MAGEC1: variants seen among roughly 807,000 people sequenced by gnomAD.
MAGEC1 encodes the protein MAGE family member C1.
A neutral mutation model predicts 1.5 loss-of-function variants in MAGEC1; 3 were observed. That is an observed-to-expected ratio of 1.97 (90% CI 0.90 to 5.10). MAGEC1 has a LOEUF of 5.10. Among genes scored for constraint, MAGEC1 ranks in the 30% most tolerant of loss-of-function variants. The probability of loss-of-function intolerance (pLI) is 0.02; values close to 1 mark genes in which losing one functional copy is unlikely to be tolerated. For missense variants in MAGEC1, 985 were observed against 803.1 expected, an observed-to-expected ratio of 1.23 and a Z score of -2.74; for synonymous variants, 357 against 310.4, an observed-to-expected ratio of 1.15 and a Z score of -1.58.
In MAGEC1 at chrX:141,908,380, G is replaced by C. The variant is rs1315951542; in HGVS notation, c.2976G>C (p.Gln992His). Residue 992 changes from glutamine to histidine, a missense_variant, in exon 4 of 4, where the codon CAG (glutamine) becomes CAC (histidine). Gln to His is a conservative substitution (Grantham distance 24). Coordinates refer to ENST00000285879, the MANE Select transcript of MAGEC1 (RefSeq NM_005462.5). Reference sequence around the variant, plus strand: ...CTGAGGGGTGTCTGAGTGATGAGCAGGGCATGTCCCAGAACCGCCTCCTGA... The same window carrying C: ...CTGAGGGGTGTCTGAGTGATGAGCACGGCATGTCCCAGAACCGCCTCCTGA... ...LTSEGCLSDEQGMSQNRLLIL... is the reference protein window; with the variant it reads ...LTSEGCLSDEHGMSQNRLLIL... 1 of 1,211,425 alleles carries C rather than the reference G, an allele frequency of 8.3e-7. No homozygotes were observed. Among genetic ancestry groups the C allele is most frequent in the African/African-American group, 1.7e-5 (1 of 57,744 alleles).
At position 141,908,019 on chromosome X, in the gene MAGEC1, G is replaced by A. The variant is rs1412467404; in HGVS notation, c.2615G>A (p.Ser872Asn). ...TSLSPFSEES[S>N]SPVDEYTSSS... ...TTGAGCCCATTCAGTGAAGAGTCCAGCAGCCCAGTAGATGAATATACAAGT... is the reference window on the plus strand; with the variant it reads ...TTGAGCCCATTCAGTGAAGAGTCCAACAGCCCAGTAGATGAATATACAAGT... Residue 872 changes from serine to asparagine, a missense_variant, in exon 4 of 4, where the codon AGC (serine) becomes AAC (asparagine). Coordinates refer to ENST00000285879, the MANE Select transcript of MAGEC1 (RefSeq NM_005462.5). 1 of 1,211,829 alleles carries A rather than the reference G, an allele frequency of 8.3e-7. No individual in the cohort carries two copies. Among genetic ancestry groups the A allele is most frequent in the Non-Finnish European group, 1.1e-6 (1 of 895,433 alleles).
In MAGEC1 at chrX:141,908,486, G is replaced by T. The variant is rs1927028185; in HGVS notation, c.3082G>T (p.Val1028Leu). The T allele has an allele frequency of 8.3e-7, 1 of 1,199,562 alleles. No individual in the cohort carries two copies. Among genetic ancestry groups the T allele is most frequent in the Non-Finnish European group, 1.1e-6 (1 of 889,553 alleles). The stretch of plus-strand genomic sequence containing the variant: ...CTGGGATGTGCTGAGTGGAATAGGG[G>T]TGCGTGCTGGGAGGGAGCACTTTGC... ...VIWDVLSGIG[V>L]RAGREHFAFG... Residue 1028 changes from valine (V) to leucine (L), a missense_variant, in exon 4 of 4, where the codon GTG becomes TTG. Physicochemically the swap from Val to Leu is conservative, Grantham distance 32. Coordinates refer to ENST00000285879, the MANE Select transcript of MAGEC1 (RefSeq NM_005462.5).
chrX:141,905,329 T>A, intron 3 of MAGEC1, 80 bp from the exon 4 acceptor site: 10 of 980,574 alleles, frequency 1.0e-5, no homozygotes, highest in Non-Finnish European at 1.4e-5. Context: ...TCTCTTCCTC[T>A]TTCCACTTTT....
At position 141,909,204 on chromosome X, in the gene MAGEC1, CT is replaced by C. The variant is rs1927052936; in HGVS notation, c.*373del. On this transcript the variant is annotated 3_prime_UTR_variant, in exon 4 of 4. Transcript: ENST00000285879. ...AATGTGGTGTTACTGTAGGAATTTT[CT>C]TGAAACTGTGAAGGAACTCTGCAGT... 1 of 136,037 alleles carries C rather than the reference CT, an allele frequency of 7.4e-6. No homozygotes were observed. Among genetic ancestry groups the C allele is most frequent in the Non-Finnish European group, 1.4e-5 (1 of 69,403 alleles). 11.2% of individuals were successfully genotyped at this position (136,037 alleles called of 1,213,427 possible).
chrX:141,908,501 G>T lies in MAGEC1; in HGVS notation c.3097G>T (p.Glu1033Ter). The change falls in exon 4 of 4, where the codon GAG becomes TAG. Residue 1033 changes from glutamate to a stop codon, truncating the protein, a stop_gained. Coordinates refer to ENST00000285879, the MANE Select transcript of MAGEC1 (RefSeq NM_005462.5). LOFTEE classifies it low-confidence loss of function (END_TRUNC). ...LSGIGVRAGR[E>*]HFAFGEPREL... Reference sequence around the variant, plus strand: ...TGGAATAGGGGTGCGTGCTGGGAGGGAGCACTTTGCCTTTGGGGAGCCCAG... The same window carrying T: ...TGGAATAGGGGTGCGTGCTGGGAGGTAGCACTTTGCCTTTGGGGAGCCCAG... 1 of 1,195,329 alleles carries T rather than the reference G, an allele frequency of 8.4e-7. No homozygotes were observed. Among genetic ancestry groups the T allele is most frequent in the Non-Finnish European group, 1.1e-6 (1 of 887,307 alleles).
At position 141,907,384 on chromosome X, in the gene MAGEC1, C is replaced by T; in HGVS notation, c.1980C>T (p.Leu660=). Residue 660 remains leucine (L), a synonymous_variant, in exon 4 of 4, where the codon CTC becomes CTT. Coordinates refer to ENST00000285879, the MANE Select transcript of MAGEC1 (RefSeq NM_005462.5). ...SPPEGPVQSP[L]HSPQSPPEGM... is the part of the protein sequence containing the mutation. ...CTGAGGGGCCTGTCCAGTCTCCTCT[C>T]CATAGTCCTCAGAGCCCTCCTGAGG... is the stretch of plus-strand genomic sequence containing the variant. 1 of 1,206,158 alleles carries T rather than the reference C, an allele frequency of 8.3e-7. No homozygotes were observed. Among genetic ancestry groups the T allele is most frequent in the Non-Finnish European group, 1.1e-6 (1 of 893,474 alleles).
chrX:141,904,496 C>CT (rs2018164624), intron 1 of MAGEC1, among the ~76,000 whole-genome samples: 1 of 110,820 alleles, frequency 9.0e-6, no homozygotes, highest in Non-Finnish European at 1.9e-5. Context: ...TGGGAGGTGG[C>CT]TGCCACCTCA....
rs1927032823 is a variant in MAGEC1, at chrX:141,908,588, T to C, written c.3184T>C (p.Ser1062Pro). Residue 1062 changes from serine (S) to proline (P), a missense_variant, in exon 4 of 4, where the codon TCT becomes CCT. Physicochemically the swap from Ser to Pro is moderately conservative, Grantham distance 74 (BLOSUM62 -1). Coordinates refer to ENST00000285879, the MANE Select transcript of MAGEC1 (RefSeq NM_005462.5). ...HYLEYREVPN[S>P]SPPRYEFLWG... ...CCTAGAGTACCGGGAGGTGCCCAAC[T>C]CTTCTCCTCCTCGTTACGAATTCCT... is the stretch of plus-strand genomic sequence containing the variant. The C allele has an allele frequency of 1.7e-6, 2 of 1,205,228 alleles. No individual in the cohort carries two copies. The highest frequency in any genetic ancestry group is 2.2e-5 in the Admixed American group (1 of 45,470).
rs771890346 is a variant in MAGEC1, at chrX:141,907,592, C to T, written c.2188C>T (p.Pro730Ser). Reference protein sequence around the residue: ...SLSPLHFPQFPPQGEDFQSSL... With the variant: ...SLSPLHFPQFSPQGEDFQSSL... ...CTCTCCTCTCCACTTTCCTCAGTTT[C>T]CTCCTCAGGGGGAGGACTTCCAGTC... The change falls in exon 4 of 4, where the codon CCT becomes TCT. Residue 730 changes from proline (P) to serine (S), a missense_variant. By Grantham distance (74) the Pro-to-Ser change is moderately conservative (BLOSUM62 -1). Transcript: ENST00000285879. 9.1e-6 allele frequency: 11 copies of T among 1,207,768 alleles called. No individual in the cohort carries two copies. In the South Asian group the frequency reaches 1.6e-4, roughly 17 times the overall value.
Position 141,905,070 on chromosome X carries a change from A to C in MAGEC1, c.-3A>C. The C allele has an allele frequency of 1.7e-6, 2 of 1,212,088 alleles. No individual in the cohort carries two copies. Among genetic ancestry groups the C allele is most frequent in the Non-Finnish European group, 2.2e-6 (2 of 895,535 alleles). ...CTGTAAGCCGGCCTTTGTCAGAGCC[A>C]TCATGGGTGAGTTTCTCAGCTGAGG... On this transcript the variant is annotated 5_prime_UTR_variant, in exon 3 of 4. Coordinates refer to ENST00000285879, the MANE Select transcript of MAGEC1 (RefSeq NM_005462.5).
At position 141,908,243 on chromosome X, in the gene MAGEC1, C is replaced by A. The variant is rs763285093; in HGVS notation, c.2839C>A (p.Pro947Thr). The A allele has an allele frequency of 1.7e-6, 2 of 1,209,566 alleles. No individual in the cohort carries two copies. The highest frequency in any genetic ancestry group is 3.5e-5 in the African/African-American group (2 of 57,012). ...CATCAGCAGGTACACGGGCTACTTT[C>A]CTGTGATCTTCAGGAAAGCCCGTGA... ...NVISRYTGYFPVIFRKAREFI... is the reference protein window; with the variant it reads ...NVISRYTGYFTVIFRKAREFI... Residue 947 changes from proline to threonine, a missense_variant, in exon 4 of 4, where the codon CCT (proline) becomes ACT (threonine). Pro to Thr is a conservative substitution (Grantham distance 38). Coordinates refer to ENST00000285879, the MANE Select transcript of MAGEC1 (RefSeq NM_005462.5).
rs761263410 is a variant in MAGEC1 at position 141,906,502 on chromosome X, G to T, written c.1098G>T (p.Glu366Asp). 8 of 1,195,364 alleles carry T rather than the reference G, an allele frequency of 6.7e-6. No individual in the cohort carries two copies. The highest frequency in any genetic ancestry group is 9.0e-6 in the Non-Finnish European group (8 of 887,299). ...CTGAGAGTGCTCAAAGTACTTTTGA[G>T]GGTTTTCCCCAGTCTCCTCTCCAGA... ...SSPESAQSTF[E>D]GFPQSPLQIP... The change falls in exon 4 of 4, where the codon GAG becomes GAT. Residue 366 changes from glutamate to aspartate, a missense_variant. Transcript: ENST00000285879.
chrX:141,907,121 G>A lies in MAGEC1; in HGVS notation c.1717G>A (p.Asp573Asn). Residue 573 changes from aspartate (D) to asparagine (N), a missense_variant, in exon 4 of 4, where the codon GAC becomes AAC. Asp to Asn is a conservative substitution (Grantham distance 23). Coordinates refer to ENST00000285879, the MANE Select transcript of MAGEC1 (RefSeq NM_005462.5). Reference protein sequence around the residue: ...YFPQSPPQGEDSLSPHYFPQS... With the variant: ...YFPQSPPQGENSLSPHYFPQS... ...TCCTCAGAGCCCTCCTCAGGGGGAG[G>A]ACTCCCTGTCTCCTCACTACTTTCC... is the stretch of plus-strand genomic sequence containing the variant. 7 of 1,200,350 alleles carry A rather than the reference G, an allele frequency of 5.8e-6. No individual in the cohort carries two copies. The highest frequency in any genetic ancestry group is 3.0e-5 in the East Asian group (1 of 33,533).
rs369233356 is a variant in MAGEC1 at position 141,907,703 on chromosome X, C to T, written c.2299C>T (p.Pro767Ser). The stretch of plus-strand genomic sequence containing the variant: ...TTTCCCTGAGAGTCCTCAGAGTCCT[C>T]CTGAGGGGCCTGCTCAGTCTCCTCT... ...QSFPESPQSP[P>S]EGPAQSPLQR... Residue 767 changes from proline (P) to serine (S), a missense_variant, in exon 4 of 4, where the codon CCT (proline) becomes TCT (serine). Coordinates refer to ENST00000285879, the MANE Select transcript of MAGEC1 (RefSeq NM_005462.5). 6 of 1,207,740 alleles carry T rather than the reference C, an allele frequency of 5.0e-6. No homozygotes were observed. The highest frequency in any genetic ancestry group is 5.6e-6 in the Non-Finnish European group (5 of 894,176).
chrX:141,907,772 C>T lies in MAGEC1; in HGVS notation c.2368C>T (p.Leu790Phe). 8.3e-7 allele frequency: 1 copy of T among 1,209,674 alleles called. No homozygotes were observed. The highest frequency in any genetic ancestry group is 1.1e-6 in the Non-Finnish European group (1 of 894,798). The change falls in exon 4 of 4, where the codon CTT becomes TTT. Residue 790 changes from leucine (L) to phenylalanine (F), a missense_variant. Transcript: ENST00000285879. ...SSFFSYTLAS[L>F]LQSSHESPQS... ...CTTCTTCTCCTACACTTTAGCGAGT[C>T]TTCTCCAAAGTTCCCATGAGAGTCC...
rs201520870 is a variant in MAGEC1 at position 141,906,642 on chromosome X, C to T, written c.1238C>T (p.Thr413Ile). 1.7e-6 allele frequency: 2 copies of T among 1,172,684 alleles called. No homozygotes were observed. The highest frequency in any genetic ancestry group is 2.3e-6 in the Non-Finnish European group (2 of 877,002). Residue 413 changes from threonine (T) to isoleucine (I), a missense_variant, in exon 4 of 4, where the codon ACC becomes ATC. Transcript: ENST00000285879. ...CAGTCTCCTCTCCAGATTCCTATGACCTCCTCCTTCTCCTCTACTTTATTG... is the reference window on the plus strand; with the variant it reads ...CAGTCTCCTCTCCAGATTCCTATGATCTCCTCCTTCTCCTCTACTTTATTG... ...FPQSPLQIPM[T>I]SSFSSTLLSI...
At position 141,907,181 on chromosome X, in the gene MAGEC1, C is replaced by T. The variant is rs780207664; in HGVS notation, c.1777C>T (p.His593Tyr). Residue 593 changes from histidine to tyrosine, a missense_variant, in exon 4 of 4, where the codon CAC becomes TAC. His to Tyr is a moderately conservative substitution (Grantham distance 83, BLOSUM62 2). Transcript: ENST00000285879. ...TCAGGGGGAGGACTCCCTGTCTCCT[C>T]ACTACTTTCCTCAGAGCCCTCCTCA... ...SPQGEDSLSP[H>Y]YFPQSPPQGE... The T allele has an allele frequency of 8.3e-7, 1 of 1,210,849 alleles. No homozygotes were observed. The highest frequency in any genetic ancestry group is 2.2e-5 in the Admixed American group (1 of 46,036).
Position 141,907,953 on chromosome X carries a change from C to G in MAGEC1, c.2549C>G (p.Pro850Arg), listed in dbSNP as rs941983176. 1 of 1,209,636 alleles carries G rather than the reference C, an allele frequency of 8.3e-7. No homozygotes were observed. Among genetic ancestry groups the G allele is most frequent in the African/African-American group, 1.8e-5 (1 of 56,978 alleles). The part of the protein sequence containing the change: ...SSLSKSSPES[P>R]LQSPVISFSS... Reference sequence around the variant, plus strand: ...CTTTCCAAGAGTTCCCCTGAGAGTCCTCTCCAGAGTCCTGTGATCTCCTTC... The same window carrying G: ...CTTTCCAAGAGTTCCCCTGAGAGTCGTCTCCAGAGTCCTGTGATCTCCTTC... The change falls in exon 4 of 4, where the codon CCT (proline) becomes CGT (arginine). Residue 850 changes from proline to arginine, a missense_variant. Pro to Arg is a moderately radical substitution (Grantham distance 103). Transcript: ENST00000285879.
intron 3 of MAGEC1, 34 bp downstream of exon 3, chrX:141,905,110 C>T (rs1288806408): frequency 8.3e-7 from 1 of 1,208,143 alleles, no homozygotes; most frequent in African/African-American, 1.7e-5. Flanking sequence ...TGGCACTGTC[C>T]CTCTCTCCCT....
Sources: gnomAD v4.1 joint callset for allele counts (sites outside exome capture counted in the v4.1 genomes callset) on GRCh38, gnomAD v4.1.1 for gene constraint, MANE v1.5 for transcripts, NCBI Gene and HGNC (gene_info 2026-07-23, HGNC 2026-07-21) for gene names.